Variants in ATRNL1 observed in about 807,000 individuals in gnomAD.
ATRNL1 encodes the protein attractin-like protein 1.
Under a neutral mutation model 182.7 loss-of-function variants are expected in ATRNL1, and 95 were observed. That is an observed-to-expected ratio of 0.52 (90% CI 0.44 to 0.62). The LOEUF is 0.62. Among genes scored for constraint, ATRNL1 ranks in the 20% least tolerant of loss-of-function variants. The pLI is 0.00. For missense variants in ATRNL1, 1,471 were observed against 1,679.5 expected (o/e 0.88, Z 2.17); for synonymous variants, 576 against 568.3 (o/e 1.01, Z -0.19).
At chr10:115,641,794 G>A (rs1267647534) in intron 26 of ATRNL1, among the ~76,000 whole-genome samples, 2 of 151,806 alleles carry the variant, frequency 1.3e-5, no homozygotes, top group Middle Eastern at 3.4e-3. Flanking sequence ...CTATTGAAGG[G>A]ACAGAAAAAC....
intron 20 of ATRNL1, among the ~76,000 whole-genome samples, chr10:115,421,258 G>T (rs1182254796): frequency 6.6e-6 from 1 of 151,974 alleles, no homozygotes; most frequent in Admixed American, 6.6e-5. Context: ...AAAACTACAG[G>T]CCAATATCCC....
chr10:115,822,737 G>T (rs1245238009), intron 27 of ATRNL1, among the ~76,000 whole-genome samples: 1 of 152,116 alleles, frequency 6.6e-6, no homozygotes. Flanking sequence ...CCAGAAAGAA[G>T]TCGAATCCCT....
chr10:115,655,814 G>A (rs1860293412), intron 26 of ATRNL1, among the ~76,000 whole-genome samples: 1 of 152,176 alleles, frequency 6.6e-6, no homozygotes, highest in South Asian at 2.1e-4. Flanking sequence ...GATACTTTGA[G>A]CTGTTAGGGT....
At chr10:115,288,179 G>T (rs1303240564) in intron 15 of ATRNL1, among the ~76,000 whole-genome samples, 2 of 152,030 alleles carry the variant, frequency 1.3e-5, no homozygotes, top group Non-Finnish European at 2.9e-5. Context: ...GAATAGTGCT[G>T]CAATAAACAT....
chr10:115,292,097 G>A (rs1852943533), intron 15 of ATRNL1, among the ~76,000 whole-genome samples: 1 of 151,770 alleles, frequency 6.6e-6, no homozygotes, highest in African/African-American at 2.4e-5. Context: ...GGTTTCATGT[G>A]TACAGAAATT....
chr10:115,844,619 C>T (rs1253330033), intron 27 of ATRNL1, among the ~76,000 whole-genome samples: 9 of 152,014 alleles, frequency 5.9e-5, no homozygotes, highest in African/African-American at 2.2e-4. Flanking sequence ...TTTAAAAACA[C>T]TAGACTGAAC....
chr10:115,182,029 C>A (rs1847767679), intron 8 of ATRNL1, among the ~76,000 whole-genome samples: 2 of 151,502 alleles, frequency 1.3e-5, no homozygotes, highest in South Asian at 4.2e-4. Flanking sequence ...GAAATGATAT[C>A]CTAAATGAAT....
intron 1 of ATRNL1, among the ~76,000 whole-genome samples, chr10:115,095,469 TAG>T (rs1335527138): frequency 6.6e-6 from 1 of 151,864 alleles, no homozygotes; most frequent in Non-Finnish European, 1.5e-5. Flanking sequence ...AAATTTTAGG[TAG>T]AGTCTATGAT....
At chr10:115,280,177 T>A (rs1322507250) in intron 13 of ATRNL1, among the ~76,000 whole-genome samples, 1 of 152,220 alleles carries the variant, frequency 6.6e-6, no homozygotes, top group African/African-American at 2.4e-5. Flanking sequence ...GAACCTGATG[T>A]GTGAAGCTAA....
intron 1 of ATRNL1, among the ~76,000 whole-genome samples, chr10:115,098,657 C>A (rs2085082406): frequency 6.6e-6 from 1 of 151,692 alleles, no homozygotes; most frequent in Admixed American, 6.6e-5. Context: ...CGGGGTATCA[C>A]CGTGTTAGCC....
chr10:115,509,843 C>A (rs1565116839), intron 24 of ATRNL1, among the ~76,000 whole-genome samples: 1 of 151,866 alleles, frequency 6.6e-6, no homozygotes, highest in Non-Finnish European at 1.5e-5. Flanking sequence ...GTGATGATTC[C>A]TCTGATGAAT....
intron 26 of ATRNL1, among the ~76,000 whole-genome samples, chr10:115,687,320 T>A (rs1946249948): frequency 6.6e-6 from 1 of 152,096 alleles, no homozygotes; most frequent in Admixed American, 6.6e-5. Context: ...CTTGCTTCTA[T>A]GAGTTTGGCC....
chr10:115,618,948 C>G (rs1555021740), intron 26 of ATRNL1, among the ~76,000 whole-genome samples: 1 of 152,090 alleles, frequency 6.6e-6, no homozygotes, highest in East Asian at 1.9e-4. Flanking sequence ...GTTGTTTCTT[C>G]CAGTGTTACG....
chr10:115,149,253 T>C (rs112784288), intron 5 of ATRNL1, among the ~76,000 whole-genome samples: 4,641 of 152,266 alleles, frequency 0.03, 83 homozygotes, highest in African/African-American at 0.039. Context: ...TGAATATACC[T>C]GGCTTCCAGG....
intron 24 of ATRNL1, among the ~76,000 whole-genome samples, chr10:115,481,572 A>G (rs1277186384): frequency 6.6e-6 from 1 of 150,798 alleles, no homozygotes; most frequent in Non-Finnish European, 1.5e-5. Context: ...GAGATATGAG[A>G]CTGGTCAATT....
chr10:115,215,583 A>T (rs1225299740), intron 8 of ATRNL1, 114 bp from the exon 9 acceptor site: 1 of 808,662 alleles, frequency 1.2e-6, no homozygotes, highest in African/African-American at 1.8e-5. Flanking sequence ...TAGATATACA[A>T]TGTTTACTCA....
At chr10:115,500,010 T>C (rs1167500596) in intron 24 of ATRNL1, among the ~76,000 whole-genome samples, 7 of 152,180 alleles carry the variant, frequency 4.6e-5, no homozygotes, top group Non-Finnish European at 8.8e-5. Flanking sequence ...TCCCAAGTTA[T>C]TAGGAAAGCT....
chr10:115,152,061 C>G (rs1846259353), intron 5 of ATRNL1, among the ~76,000 whole-genome samples: 1 of 152,100 alleles, frequency 6.6e-6, no homozygotes, highest in South Asian at 2.1e-4. Context: ...CTGCTCTGTT[C>G]CATTGATCTA....
intron 19 of ATRNL1, among the ~76,000 whole-genome samples, chr10:115,383,226 A>G (rs901715474): frequency 1.3e-5 from 2 of 151,324 alleles, no homozygotes; most frequent in Admixed American, 1.3e-4. Context: ...AGCCCACTGG[A>G]TCATGGTGGG....
Sources: gnomAD v4.1 joint callset for allele counts (sites outside exome capture counted in the v4.1 genomes callset) on GRCh38, gnomAD v4.1.1 for gene constraint, MANE v1.5 for transcripts, NCBI Gene and HGNC (gene_info 2026-07-23, HGNC 2026-07-21) for gene names.